AFAP1L2: variants seen among roughly 807,000 people sequenced by gnomAD.
The protein encoded by AFAP1L2 is actin filament associated protein 1 like 2.
Under a neutral mutation model 99.3 loss-of-function variants are expected in AFAP1L2, and 46 were observed. The ratio of observed to expected loss-of-function variants is 0.46; its 90% CI spans 0.37 to 0.59. The LOEUF (loss-of-function observed/expected upper bound fraction) is 0.59, where lower values mean the gene tolerates loss of function less well. Among genes scored for constraint, AFAP1L2 ranks in the 20% least tolerant of loss-of-function variants. AFAP1L2 has a pLI of 0.00. For missense variants in AFAP1L2, 959 were observed against 1,034.9 expected, an observed-to-expected ratio of 0.93 and a Z score of 1.01; for synonymous variants, 397 against 419.1, an observed-to-expected ratio of 0.95 and a Z score of 0.64.
chr10:114,318,425 G>A (rs1320544953), intron 5 of AFAP1L2, among the ~76,000 whole-genome samples: 1 of 151,940 alleles, frequency 6.6e-6, no homozygotes, highest in East Asian at 1.9e-4. Context: ...ACAGGACTAG[G>A]TATGAAAGAA....
intron 1 of AFAP1L2, among the ~76,000 whole-genome samples, chr10:114,390,762 G>A (rs2057046788): frequency 6.6e-6 from 1 of 151,118 alleles, no homozygotes; most frequent in South Asian, 2.1e-4. Flanking sequence ...TTCCAGACTG[G>A]CTGTACTAGC....
chr10:114,384,312 T>C (rs2056185807), intron 1 of AFAP1L2, among the ~76,000 whole-genome samples: 1 of 151,626 alleles, frequency 6.6e-6, no homozygotes, highest in Non-Finnish European at 1.5e-5. Flanking sequence ...ATCAATGGCA[T>C]CTTGTCTGTC....
At chr10:114,309,785 T>C (rs958037032) in intron 8 of AFAP1L2, among the ~76,000 whole-genome samples, 6 of 152,138 alleles carry the variant, frequency 3.9e-5, no homozygotes, top group Admixed American at 6.5e-5. Flanking sequence ...TGACTGTTGT[T>C]CCAATAAAGC....
chr10:114,361,622 G>C (rs2052432802), intron 1 of AFAP1L2, among the ~76,000 whole-genome samples: 1 of 152,162 alleles, frequency 6.6e-6, no homozygotes, highest in African/African-American at 2.4e-5. Context: ...GAAACATCTT[G>C]GCTTCCCTTT....
At chr10:114,374,024 G>C (rs1044469761) in intron 1 of AFAP1L2, among the ~76,000 whole-genome samples, 1 of 152,028 alleles carries the variant, frequency 6.6e-6, no homozygotes, top group African/African-American at 2.4e-5. Flanking sequence ...TGCCTTCACG[G>C]ACCTTCTGTG....
At chr10:114,287,456 C>T in the AFAP1L2 span, among the ~76,000 whole-genome samples, 1 of 152,190 alleles carries the variant, frequency 6.6e-6, no homozygotes, top group Non-Finnish European at 1.5e-5. Context: ...GGAGGGATTA[C>T]AGGCTTGAGT....
At chr10:114,383,788 A>C (rs2056065544) in intron 1 of AFAP1L2, among the ~76,000 whole-genome samples, 1 of 152,186 alleles carries the variant, frequency 6.6e-6, no homozygotes, top group South Asian at 2.1e-4. Context: ...TTTGCCCTGG[A>C]AAGTTGGGGG....
At chr10:114,363,895 C>T (rs1268464532) in intron 1 of AFAP1L2, among the ~76,000 whole-genome samples, 1 of 152,202 alleles carries the variant, frequency 6.6e-6, no homozygotes, top group African/African-American at 2.4e-5. Flanking sequence ...AAACTGAGGT[C>T]TCTGACAGAG....
intron 1 of AFAP1L2, among the ~76,000 whole-genome samples, chr10:114,348,806 T>C (rs568655209): frequency 6.6e-6 from 1 of 152,322 alleles, no homozygotes; most frequent in Non-Finnish European, 1.5e-5. Context: ...TTCCTCTGGG[T>C]GTGACCTGGG....
At chr10:114,334,248 TG>T (rs11344734) in intron 2 of AFAP1L2, among the ~76,000 whole-genome samples, 5,747 of 152,320 alleles carry the variant, frequency 0.038, 337 homozygotes, top group African/African-American at 0.13. Context: ...AGAGAAAAGC[TG>T]GCCTCCTAAC....
At position 114,303,718 on chromosome 10, in the gene AFAP1L2, C is replaced by A. The variant is rs181335937; in HGVS notation, c.1284+1001G>T. Among the ~76,000 whole-genome samples, 16 of 152,280 alleles carry A rather than the reference C, an allele frequency of 1.1e-4. No individual in the cohort carries two copies. The East Asian group carries it at 3.1e-3, about 29-fold the overall frequency. The stretch of plus-strand genomic sequence containing the variant: ...CAGCTTCCTAGCAGGTCCCTTCTTG[C>A]CCCCTCCGATCCACTCCCACCCCAG... On this transcript the variant is annotated intron_variant, in intron 11 of 18. Transcript: ENST00000304129.
intron 18 of AFAP1L2, 137 bp from the exon 19 acceptor site, chr10:114,296,205 C>CTG: frequency 8.1e-7 from 1 of 1,235,308 alleles, no homozygotes; most frequent in Non-Finnish European, 1.2e-6. Context: ...GTTTCAAACC[C>CTG]TGTGTGTTCA....
At chr10:114,296,690 G>A in intron 18 of AFAP1L2, 1 of 385,048 alleles carries the variant, frequency 2.6e-6, no homozygotes, top group East Asian at 5.6e-5. Context: ...TCCCTGAGCT[G>A]CAGCTGGCCT....
At chr10:114,327,480 A>T (rs2046552898) in intron 4 of AFAP1L2, among the ~76,000 whole-genome samples, 2 of 151,928 alleles carry the variant, frequency 1.3e-5, no homozygotes. Context: ...TAACATCAAA[A>T]CCTGAAAAAC....
Position 114,295,440 on chromosome 10 carries a change from T to C in AFAP1L2, c.*602A>G, listed in dbSNP as rs535604768. The C allele has an allele frequency of 3.7e-5, 36 of 985,732 alleles. No homozygotes were observed. In the African/African-American group the frequency reaches 5.2e-4, roughly 14 times the overall value. The allele number at this position is 985,732 out of a possible 1,614,324, so 61.1% of individuals were successfully genotyped here. A position where few individuals can be genotyped will look rare whatever the true frequency, so the allele number is the denominator to read the frequency against. ...ATTAGTGCTTCAGCTTGGTCCCAAA[T>C]ATTTTCCCCATTATTGTTTCTCAAA... On this transcript the variant is annotated 3_prime_UTR_variant, in exon 19 of 19. Coordinates refer to ENST00000304129, the MANE Select transcript of AFAP1L2 (RefSeq NM_001001936.3).
downstream of AFAP1L2, chr10:114,291,243 A>T (rs1370105381): frequency 6.5e-7 from 1 of 1,550,214 alleles, no homozygotes. Context: ...CCTGAGGCAC[A>T]TGGCTCCCGT....
At chr10:114,339,142 C>G (rs2048395965) in intron 2 of AFAP1L2, among the ~76,000 whole-genome samples, 1 of 152,212 alleles carries the variant, frequency 6.6e-6, no homozygotes, top group Admixed American at 6.5e-5. Flanking sequence ...TACTTTCAAC[C>G]AGCATGGAAG....
chr10:114,346,475 T>C (rs751320853), intron 1 of AFAP1L2, among the ~76,000 whole-genome samples: 21 of 152,218 alleles, frequency 1.4e-4, no homozygotes, highest in Non-Finnish European at 2.9e-4. Context: ...AGCCACAGGC[T>C]TGGGGAAATA....
the AFAP1L2 span, chr10:114,289,130 A>G: frequency 6.8e-6 from 11 of 1,613,910 alleles, no homozygotes; most frequent in Non-Finnish European, 9.3e-6. Context: ...CTGGACACCA[A>G]ACCCACCCGG....
Sources: allele counts gnomAD v4.1 joint callset (sites outside exome capture counted in the v4.1 genomes callset), GRCh38; gene constraint gnomAD v4.1.1; transcripts MANE v1.5; gene names NCBI Gene and HGNC (gene_info 2026-07-23, HGNC 2026-07-21).